Variants in OSMR observed in about 807,000 individuals in gnomAD.
The protein encoded by OSMR is oncostatin M receptor, also known as oncostatin-M-specific receptor subunit beta.
A neutral mutation model predicts 99.9 loss-of-function variants in OSMR; 81 were observed. The observed-to-expected ratio is 0.81, with a 90% CI of 0.68 to 0.97. OSMR has a LOEUF of 0.97. OSMR is among the 50% of genes least tolerant of loss of function. The pLI, the probability that OSMR is intolerant of heterozygous loss-of-function variation, is 0.00. For synonymous variants in OSMR, 406 were observed against 410.4 expected, an observed-to-expected ratio of 0.99 and a Z score of 0.13; for missense variants, 1,099 against 1,153.4, an observed-to-expected ratio of 0.95 and a Z score of 0.68.
chr5:38,883,594 G>A (rs1289691036), intron 4 of OSMR: 5 of 506,382 alleles, frequency 9.9e-6, no homozygotes, highest in African/African-American at 4.2e-5. Flanking sequence ...GTAATGTGCT[G>A]TCTGTGGCAG....
intron 9 of OSMR, among the ~76,000 whole-genome samples, chr5:38,913,312 G>T (rs1226460354): frequency 6.6e-6 from 1 of 152,094 alleles, no homozygotes; most frequent in Non-Finnish European, 1.5e-5. Context: ...CACTTTGGGA[G>T]GCCGAGGCAG....
rs544825520 is a variant in OSMR at position 38,906,644 on chromosome 5, T to C, written c.1285+2141T>C. On this transcript the variant is annotated intron_variant, in intron 9 of 17. Coordinates refer to ENST00000274276, the MANE Select transcript of OSMR (RefSeq NM_003999.3). ...CTTCTCCAATGACTTATTTAGCAAATTGAAATCTGCTTTAATAGATTTAAA... is the reference window on the plus strand; with the variant it reads ...CTTCTCCAATGACTTATTTAGCAAACTGAAATCTGCTTTAATAGATTTAAA... Among the ~76,000 whole-genome samples, 6 of 152,340 alleles carry C rather than the reference T, an allele frequency of 3.9e-5. No individual in the cohort carries two copies. The South Asian group carries it at 1.2e-3, about 32-fold the overall frequency.
At chr5:38,852,570 G>A (rs1023977458) in intron 1 of OSMR, among the ~76,000 whole-genome samples, 1 of 151,996 alleles carries the variant, frequency 6.6e-6, no homozygotes. Context: ...GTTTTTTGTA[G>A]GGAAGGGTGA....
intron 4 of OSMR, among the ~76,000 whole-genome samples, chr5:38,882,624 C>A (rs938384845): frequency 9.2e-5 from 14 of 151,796 alleles, no homozygotes; most frequent in African/African-American, 2.7e-4. Flanking sequence ...ATTGTAGCTC[C>A]CCCGAATCTA....
chr5:38,892,090 G>A lies in OSMR; in HGVS notation c.991+5900G>A, dbSNP rs935208790. Among the ~76,000 whole-genome samples, 6 of 152,132 alleles carry A rather than the reference G, an allele frequency of 3.9e-5. No homozygotes were observed. In the East Asian group the frequency reaches 5.8e-4, roughly 15 times the overall value. On this transcript the variant is annotated intron_variant, in intron 7 of 17. Transcript: ENST00000274276. ...AGGTAGTAAGGTGTGGCACCCGTGC[G>A]TGCCCCCAAAAGTGAAGTCCAGCAT...
downstream of OSMR, chr5:38,945,543 T>C: frequency 1.2e-6 from 2 of 1,614,126 alleles, no homozygotes; most frequent in Non-Finnish European, 1.7e-6. Flanking sequence ...AACCCAGAAT[T>C]TCAATACAGA....
chr5:38,867,055 C>G (rs1420709805), intron 1 of OSMR, among the ~76,000 whole-genome samples: 1 of 152,142 alleles, frequency 6.6e-6, no homozygotes, highest in Non-Finnish European at 1.5e-5. Context: ...ACTTACTGTA[C>G]TGGTCCTTTT....
At position 38,933,464 on chromosome 5, in the gene OSMR, C is replaced by T. The variant is rs768960449; in HGVS notation, c.*20C>T. On this transcript the variant is annotated 3_prime_UTR_variant, in exon 18 of 18. Coordinates refer to ENST00000274276, the MANE Select transcript of OSMR (RefSeq NM_003999.3). ...TGCTAACCAGCATGCCGATTTCATA[C>T]CTTATGCTACACAGACATTAAGAAG... is the stretch of plus-strand genomic sequence containing the variant. 6.2e-7 allele frequency: 1 copy of T among 1,613,572 alleles called. No homozygotes were observed.
Position 38,933,400 on chromosome 5 carries a change from C to T in OSMR, c.2896C>T (p.Leu966Phe), listed in dbSNP as rs1324675485. ...GCCTCCCCCGACCGAGAATAGCAGC[C>T]TCTCCTCAATTACCCTTTTAGATCC... Reference protein sequence around the residue: ...ALPPPTENSSLSSITLLDPGE... With the variant: ...ALPPPTENSSFSSITLLDPGE... The change falls in exon 18 of 18, where the codon CTC becomes TTC. Residue 966 changes from leucine to phenylalanine, a missense_variant. By Grantham distance (22) the Leu-to-Phe change is conservative. Coordinates refer to ENST00000274276, the MANE Select transcript of OSMR (RefSeq NM_003999.3). 9 of 1,614,110 alleles carry T rather than the reference C, an allele frequency of 5.6e-6. No homozygotes were observed. The highest frequency in any genetic ancestry group is 7.6e-6 in the Non-Finnish European group (9 of 1,179,970).
Position 38,932,942 on chromosome 5 carries a change from C to A in OSMR, c.2438C>A (p.Pro813Gln), listed in dbSNP as rs1452149755. ...IPDAIEVVSK[P>Q]EGTKIQFLGT... ...GATGCTATTGAAGTTGTAAGCAAGCCAGAAGGGACAAAGATACAGTTCCTA... is the reference window on the plus strand; with the variant it reads ...GATGCTATTGAAGTTGTAAGCAAGCAAGAAGGGACAAAGATACAGTTCCTA... Residue 813 changes from proline to glutamine, a missense_variant, in exon 18 of 18, where the codon CCA becomes CAA. Physicochemically the swap from Pro to Gln is moderately conservative, Grantham distance 76. Transcript: ENST00000274276. 2 of 1,614,004 alleles carry A rather than the reference C, an allele frequency of 1.2e-6. No homozygotes were observed. The highest frequency in any genetic ancestry group is 1.7e-6 in the Non-Finnish European group (2 of 1,180,014).
chr5:38,848,937 C>T (rs1003805891), intron 1 of OSMR, among the ~76,000 whole-genome samples: 5 of 146,826 alleles, frequency 3.4e-5, no homozygotes, highest in African/African-American at 1.3e-4. Flanking sequence ...CCACACCTGA[C>T]TTTTTTTTTT....
downstream of OSMR, chr5:38,940,143 C>A (rs866483): frequency 0.42 from 76,490 of 181,032 alleles, 13,211 homozygotes; most frequent in East Asian, 0.47. Flanking sequence ...AAAAAAAAAA[C>A]AAAAAAAAAA....
At chr5:38,874,132 A>C (rs1361012210) in intron 2 of OSMR, among the ~76,000 whole-genome samples, 2 of 152,176 alleles carry the variant, frequency 1.3e-5, no homozygotes, top group African/African-American at 2.4e-5. Context: ...GAACCTTATC[A>C]GATATATGAT....
In OSMR at chr5:38,885,982, G is replaced by A. The variant is rs527834915; in HGVS notation, c.840-57G>A. On this transcript the variant is annotated intron_variant, in intron 6 of 17. Coordinates refer to ENST00000274276, the MANE Select transcript of OSMR (RefSeq NM_003999.3). ...GCCCTGAGGGATAAGGGATACATTT[G>A]CTTTGACAAAAGTAAAAACCTCGTA... The A allele has an allele frequency of 7.6e-5, 122 of 1,601,690 alleles. No homozygotes were observed. In the South Asian group the frequency reaches 1.2e-3, roughly 16 times the overall value.
chr5:38,908,753 A>G (rs1003845600), intron 9 of OSMR, among the ~76,000 whole-genome samples: 1 of 152,178 alleles, frequency 6.6e-6, no homozygotes, highest in African/African-American at 2.4e-5. Flanking sequence ...AACATAAAAC[A>G]TAAAACAAAA....
At chr5:38,923,394 A>C in intron 13 of OSMR, 140 bp downstream of exon 13, 3 of 653,892 alleles carry the variant, frequency 4.6e-6, no homozygotes, top group Non-Finnish European at 8.2e-6. Flanking sequence ...GGGTTTTTAA[A>C]ATTATTTTTT....
At chr5:38,899,174 G>A (rs551310307) in intron 7 of OSMR, among the ~76,000 whole-genome samples, 106 of 152,064 alleles carry the variant, frequency 7.0e-4, no homozygotes, top group African/African-American at 2.4e-3. Flanking sequence ...TGGCCAGGCT[G>A]GTCTCAAATT....
At chr5:38,940,502 A>G (rs1201835324), downstream of OSMR, 2 of 232,754 alleles carry the variant, frequency 8.6e-6, no homozygotes, top group African/African-American at 4.4e-5. Flanking sequence ...CAACGTTCTT[A>G]GAAGTACTGT....
In OSMR at chr5:38,931,923, C is replaced by T. The variant is rs148397724; in HGVS notation, c.2253C>T (p.Cys751=). The change falls in exon 16 of 18, where the codon TGC becomes TGT. Residue 751 remains cysteine, a synonymous_variant. Transcript: ENST00000274276. ...ATATCCTACTGCCCATGGTTTTCTG[C>T]GTCTTGCTCATCATGGTCATGTGCT... ...LIHILLPMVF[C]VLLIMVMCYL... is the part of the protein sequence containing the mutation. The T allele has an allele frequency of 5.5e-5, 88 of 1,613,486 alleles. No homozygotes were observed. Among genetic ancestry groups the T allele is most frequent in the Middle Eastern group, 5.0e-4 (3 of 6,056 alleles).
Sources: allele counts gnomAD v4.1 joint callset (sites outside exome capture counted in the v4.1 genomes callset), GRCh38; gene constraint gnomAD v4.1.1; transcripts MANE v1.5; gene names NCBI Gene and HGNC (gene_info 2026-07-23, HGNC 2026-07-21).